Variants in FAM110A observed in about 807,000 individuals in gnomAD.
FAM110A encodes family with sequence similarity 110 member A, also known as protein FAM110A.
FAM110A carries 1 observed loss-of-function variant against 4.0 expected under a neutral mutation model. The ratio of observed to expected loss-of-function variants is 0.25; its 90% CI spans 0.09 to 1.20. The LOEUF is 1.20. Among genes scored for constraint, FAM110A ranks in the 50% most tolerant of loss-of-function variants. The pLI is 0.50. For synonymous variants in FAM110A, 217 were observed against 196.8 expected (o/e 1.10, Z -0.86); for missense variants, 436 against 429.2 (o/e 1.02, Z -0.14).
chr20:844,491 CT>C (rs1191656111), intron 1 of FAM110A, among the ~76,000 whole-genome samples: 1 of 151,762 alleles, frequency 6.6e-6, no homozygotes, highest in Non-Finnish European at 1.5e-5. Context: ...CTCTCTTGGT[CT>C]CAGCTGGGCC....
chr20:838,754 A>C (rs1468449036), intron 1 of FAM110A, among the ~76,000 whole-genome samples: 1 of 151,960 alleles, frequency 6.6e-6, no homozygotes, highest in Non-Finnish European at 1.5e-5. Flanking sequence ...GGTTGGAGAT[A>C]AGATGGGAGA....
Position 845,968 on chromosome 20 carries a change from T to G in FAM110A, c.*276T>G. ...GAGTGTACTCCTGCTTAGTTCCTCT[T>G]GTGGGGCTGCATTTGCGGTGCTTTG... On this transcript the variant is annotated 3_prime_UTR_variant, in exon 2 of 2. Transcript: ENST00000381941. 1 of 520,224 alleles carries G rather than the reference T, an allele frequency of 1.9e-6. No individual in the cohort carries two copies. The highest frequency in any genetic ancestry group is 3.4e-6 in the Non-Finnish European group (1 of 297,742). The allele number at this position is 520,224 out of a possible 1,614,324, so 32.2% of individuals were successfully genotyped here. A position where few individuals can be genotyped will look rare whatever the true frequency, so the allele number is the denominator to read the frequency against.
chr20:839,157 C>A (rs992956226), intron 1 of FAM110A, among the ~76,000 whole-genome samples: 15 of 152,076 alleles, frequency 9.9e-5, no homozygotes, highest in African/African-American at 3.6e-4. Context: ...CTGAAAACAC[C>A]GTCTCTTCCA....
intron 1 of FAM110A, among the ~76,000 whole-genome samples, chr20:835,614 TG>T (rs1159359221): frequency 2.6e-5 from 4 of 152,200 alleles, no homozygotes; most frequent in African/African-American, 9.6e-5. Flanking sequence ...TGGGCCTAGA[TG>T]TCCACATCCA....
intron 1 of FAM110A, among the ~76,000 whole-genome samples, chr20:842,247 C>T (rs1168222116): frequency 6.6e-6 from 1 of 152,212 alleles, no homozygotes; most frequent in Middle Eastern, 3.2e-3. Flanking sequence ...GGTTGGCTCT[C>T]GCATCTGTCC....
intron 1 of FAM110A, chr20:839,880 G>A (rs1335079754): frequency 6.9e-6 from 11 of 1,605,206 alleles, no homozygotes; most frequent in East Asian, 4.5e-5. Flanking sequence ...TGCCAGCTCC[G>A]GGTGCTTAGG....
rs139279615 is a variant in FAM110A, at chr20:845,895, C to T, written c.*203C>T. Reference sequence around the variant, plus strand: ...CAAGGGTTTTGTTCTTGGCTTTGGACACCTGAGAACCCCCTCCTCCCCTCC... The same window carrying T: ...CAAGGGTTTTGTTCTTGGCTTTGGATACCTGAGAACCCCCTCCTCCCCTCC... On this transcript the variant is annotated 3_prime_UTR_variant, in exon 2 of 2. Transcript: ENST00000381941. 7,866 of 1,125,142 alleles carry T rather than the reference C, an allele frequency of 7.0e-3. 169 individuals carry two copies. Among genetic ancestry groups the T allele is most frequent in the African/African-American group, 0.055 (3,488 of 62,984 alleles). 69.7% of individuals were successfully genotyped at this position (1,125,142 alleles called of 1,614,324 possible).
chr20:845,083 G>C lies in FAM110A; in HGVS notation c.279G>C (p.Leu93=). Reference sequence around the variant, plus strand: ...TGCTCACGCCCAGCCGCCGAGCCCTGCCTGGCCCCTGCCGACGGCCCCAGC... The same window carrying C: ...TGCTCACGCCCAGCCGCCGAGCCCTCCCTGGCCCCTGCCGACGGCCCCAGC... The part of the protein sequence containing the change: ...RTVLTPSRRA[L]PGPCRRPQLD... The change falls in exon 2 of 2, where the codon CTG becomes CTC. Residue 93 remains leucine (L), a synonymous_variant. Coordinates refer to ENST00000381941, the MANE Select transcript of FAM110A (RefSeq NM_001042353.3). 1 of 1,597,314 alleles carries C rather than the reference G, an allele frequency of 6.3e-7. No homozygotes were observed. The highest frequency in any genetic ancestry group is 8.5e-7 in the Non-Finnish European group (1 of 1,173,342).
At position 834,688 on chromosome 20, in the gene FAM110A, G is replaced by T. The variant is rs1979481167; in HGVS notation, c.-98+737G>T. Among the ~76,000 whole-genome samples, 1 of 152,194 alleles carries T rather than the reference G, an allele frequency of 6.6e-6. No individual in the cohort carries two copies. Among genetic ancestry groups the T allele is most frequent in the Admixed American group, 6.5e-5 (1 of 15,284 alleles). On this transcript the variant is annotated intron_variant, in intron 1 of 1. Coordinates refer to ENST00000381941, the MANE Select transcript of FAM110A (RefSeq NM_001042353.3). This position sits in a 1 kb window ranked among gnomAD's most constrained non-coding sequence, Gnocchi z 5.6. ...GGTGGGGAAACGGAGGTTCTAAGAAGTTAAGCCCCTTTTCGAAGTCACAGT... is the reference window on the plus strand; with the variant it reads ...GGTGGGGAAACGGAGGTTCTAAGAATTTAAGCCCCTTTTCGAAGTCACAGT...
At chr20:841,915 G>C (rs912159347) in intron 1 of FAM110A, among the ~76,000 whole-genome samples, 1 of 152,230 alleles carries the variant, frequency 6.6e-6, no homozygotes. Flanking sequence ...CTTTGTCCGC[G>C]GTGTGGGCTG....
intron 1 of FAM110A, among the ~76,000 whole-genome samples, chr20:843,069 C>T (rs1413716859): frequency 6.6e-6 from 1 of 152,070 alleles, no homozygotes; most frequent in East Asian, 1.9e-4. Flanking sequence ...CAACCATACA[C>T]AAATAGAGTA....
chr20:844,447 TCGCCCAGG>T (rs1192496058), intron 1 of FAM110A, among the ~76,000 whole-genome samples: 9 of 1,246 alleles, frequency 7.2e-3, no homozygotes, highest in Admixed American at 6.8e-3. Flanking sequence ...GTTGCCCAGG[TCGCCCAGG>T]TCTTTTTTCT....
chr20:838,211 A>G (rs1979684346), intron 1 of FAM110A, among the ~76,000 whole-genome samples: 1 of 152,226 alleles, frequency 6.6e-6, no homozygotes, highest in Non-Finnish European at 1.5e-5. Flanking sequence ...GCCTTCTGAT[A>G]CCATGTACTA....
chr20:838,293 C>CTCTT (rs901397989), intron 1 of FAM110A, among the ~76,000 whole-genome samples: 4 of 152,242 alleles, frequency 2.6e-5, no homozygotes, highest in Admixed American at 2.0e-4. Flanking sequence ...CTTTCTTCCT[C>CTCTT]TCTTTCTTTC....
At chr20:839,952 A>G in intron 1 of FAM110A, 2 of 1,513,772 alleles carry the variant, frequency 1.3e-6, no homozygotes, top group East Asian at 2.3e-5. Flanking sequence ...ATGAATGGCA[A>G]TCCGGTTCTT....
chr20:843,430 A>G (rs896649786), intron 1 of FAM110A, among the ~76,000 whole-genome samples: 2 of 152,218 alleles, frequency 1.3e-5, no homozygotes, highest in Non-Finnish European at 2.9e-5. Flanking sequence ...ACATGTGGCT[A>G]TTGAGAACTT....
At chr20:839,716 C>G in intron 1 of FAM110A, 1 of 1,282,192 alleles carries the variant, frequency 7.8e-7, no homozygotes, top group Non-Finnish European at 1.1e-6. Flanking sequence ...GGAACAATCT[C>G]TGGGGGCAGA....
At chr20:843,647 G>A (rs565426212) in intron 1 of FAM110A, among the ~76,000 whole-genome samples, 1 of 152,280 alleles carries the variant, frequency 6.6e-6, no homozygotes, top group Non-Finnish European at 1.5e-5. Context: ...TTGGGACTTG[G>A]TATGTGGGTT....
intron 1 of FAM110A, among the ~76,000 whole-genome samples, chr20:842,996 C>T (rs1980025122): frequency 6.6e-6 from 1 of 152,112 alleles, no homozygotes; most frequent in Admixed American, 6.5e-5. Context: ...CCCGCCCCTA[C>T]ACACACACGC....
Sources: allele counts gnomAD v4.1 joint callset (sites outside exome capture counted in the v4.1 genomes callset), GRCh38; gene constraint gnomAD v4.1.1; non-coding constraint Gnocchi (gnomAD v3.1); transcripts MANE v1.5; gene names NCBI Gene and HGNC (gene_info 2026-07-23, HGNC 2026-07-21).